The following TRPC5 variants were observed in gnomAD, a reference collection of about 807,000 sequenced individuals.
TRPC5 encodes the protein short transient receptor potential channel 5.
TRPC5 carries 9 observed loss-of-function variants against 56.5 expected under a neutral mutation model. The ratio of observed to expected loss-of-function variants is 0.16; its 90% CI spans 0.10 to 0.28. The LOEUF is 0.28. Among genes scored for constraint, TRPC5 ranks in the 10% least tolerant of loss-of-function variants. The pLI is 1.00. For synonymous variants in TRPC5, 282 were observed against 278.5 expected, an observed-to-expected ratio of 1.01 and a Z score of -0.13; for missense variants, 469 against 748.9, an observed-to-expected ratio of 0.63 and a Z score of 4.36.
rs1349424126 is a variant in TRPC5, at chrX:112,004,221, CTGT to C, written c.-21-51783_-21-51781del. ...TTAACCATAGAGTTATCTGTATGTT[CTGT>C]TGTTATATTATCAACAGAACATCTT... is the stretch of plus-strand genomic sequence containing the variant. On this transcript the variant is annotated intron_variant, in intron 1 of 10. Coordinates refer to ENST00000262839, the MANE Select transcript of TRPC5 (RefSeq NM_012471.3). Among the ~76,000 whole-genome samples, 10 of 111,864 alleles carry C rather than the reference CTGT, an allele frequency of 8.9e-5. No homozygotes were observed. The South Asian group carries it at 1.5e-3, about 17-fold the overall frequency.
intron 3 of TRPC5, among the ~76,000 whole-genome samples, chrX:111,879,970 C>T (rs922110531): frequency 9.0e-6 from 1 of 110,983 alleles, no homozygotes; most frequent in African/African-American, 3.3e-5. Context: ...AAGGAAGAAC[C>T]GAAGACCAAA....
At chrX:112,075,632 T>C (rs755569734) in intron 1 of TRPC5, among the ~76,000 whole-genome samples, 1 of 111,639 alleles carries the variant, frequency 9.0e-6, no homozygotes, top group African/African-American at 3.3e-5. Context: ...GTGGGCCCAA[T>C]GTAAGCACAA....
At chrX:111,997,066 G>A (rs911638457) in intron 1 of TRPC5, among the ~76,000 whole-genome samples, 4 of 111,528 alleles carry the variant, frequency 3.6e-5, no homozygotes, top group Non-Finnish European at 3.8e-5. Context: ...TATTTTGTCC[G>A]TTAATTGATG....
chrX:111,912,184 T>C (rs1335899847), intron 3 of TRPC5, 107 bp downstream of exon 3: 1 of 940,049 alleles, frequency 1.1e-6, no homozygotes, highest in Non-Finnish European at 1.4e-6. Flanking sequence ...TGCCCAACCA[T>C]TTGTTTGTTA....
intron 2 of TRPC5, among the ~76,000 whole-genome samples, chrX:111,921,219 T>C (rs942843307): frequency 9.0e-6 from 1 of 111,242 alleles, no homozygotes; most frequent in East Asian, 2.8e-4. Context: ...TACAATGAAA[T>C]GAAACTTTCA....
At chrX:111,841,902 G>A (rs1239718906) in intron 6 of TRPC5, among the ~76,000 whole-genome samples, 2 of 107,654 alleles carry the variant, frequency 1.9e-5, no homozygotes, top group Admixed American at 1.0e-4. Flanking sequence ...ATAGAGACGG[G>A]ATTTCGCCAT....
At chrX:111,866,683 C>T (rs1356393853) in intron 3 of TRPC5, among the ~76,000 whole-genome samples, 3 of 112,140 alleles carry the variant, frequency 2.7e-5, no homozygotes, top group Non-Finnish European at 5.6e-5. Flanking sequence ...AAGAGACCAC[C>T]CCTCTGCCAG....
intron 1 of TRPC5, among the ~76,000 whole-genome samples, chrX:111,963,515 C>T (rs1470996338): frequency 8.9e-6 from 1 of 112,163 alleles, no homozygotes; most frequent in East Asian, 2.8e-4. Flanking sequence ...TGAGAACGAG[C>T]AGACTGCCTC....
Position 111,770,951 on chromosome X carries a change from A to C in TRPC5, c.*5362T>G, listed in dbSNP as rs983418647. Among the ~76,000 whole-genome samples, 20 of 112,188 alleles carry C rather than the reference A, an allele frequency of 1.8e-4. No individual in the cohort carries two copies. The highest frequency in any genetic ancestry group is 1.1e-4 in the Non-Finnish European group (6 of 53,207). On this transcript the variant is annotated 3_prime_UTR_variant, in exon 11 of 11. Transcript: ENST00000262839. ...AGTGCCTTTTGTGTGTATGTATGTA[A>C]GCTCCTGGGATGTTAGGTTGCCCCA...
chrX:111,883,602 TGATAAA>T (rs1397331543), intron 3 of TRPC5, among the ~76,000 whole-genome samples: 1 of 112,177 alleles, frequency 8.9e-6, no homozygotes, highest in East Asian at 2.8e-4. Context: ...GTCCGAATTT[TGATAAA>T]GTATAGCCAA....
At chrX:112,018,597 A>G (rs6655164) in intron 1 of TRPC5, among the ~76,000 whole-genome samples, 1,918 of 112,719 alleles carry the variant, frequency 0.017, 34 homozygotes, top group African/African-American at 0.059. Flanking sequence ...AAAGTGGGGA[A>G]GCCAAGAGAA....
At chrX:111,922,365 C>A (rs1165780689) in intron 2 of TRPC5, among the ~76,000 whole-genome samples, 2 of 112,105 alleles carry the variant, frequency 1.8e-5, no homozygotes, top group Non-Finnish European at 3.8e-5. Context: ...TGAAAATGAA[C>A]CTCCTGTCTT....
chrX:111,995,827 C>T (rs939314629), intron 1 of TRPC5, among the ~76,000 whole-genome samples: 1 of 110,551 alleles, frequency 9.0e-6, no homozygotes, highest in African/African-American at 3.3e-5. Flanking sequence ...GGTGATATCC[C>T]CTTTATCATT....
intron 1 of TRPC5, among the ~76,000 whole-genome samples, chrX:112,034,978 C>T (rs906839764): frequency 1.9e-5 from 2 of 105,679 alleles, no homozygotes; most frequent in African/African-American, 6.9e-5. Context: ...TCTGATTAAT[C>T]ATTATTAATT....
rs902733960 is a variant in TRPC5, at chrX:112,025,636, A to G, written c.-22+56243T>C. On this transcript the variant is annotated intron_variant, in intron 1 of 10. Coordinates refer to ENST00000262839, the MANE Select transcript of TRPC5 (RefSeq NM_012471.3). ...ATATAGTTCACAAATTCCGCATCTC[A>G]TTAACCCCAAACCCAGCACACTCCA... Among the ~76,000 whole-genome samples, 3 of 111,646 alleles carry G rather than the reference A, an allele frequency of 2.7e-5. No homozygotes were observed. The East Asian group carries it at 8.4e-4, about 31-fold the overall frequency.
At position 111,776,254 on chromosome X, in the gene TRPC5, T is replaced by C; in HGVS notation, c.*59A>G. 1 of 1,075,058 alleles carries C rather than the reference T, an allele frequency of 9.3e-7. No homozygotes were observed. The highest frequency in any genetic ancestry group is 1.2e-6 in the Non-Finnish European group (1 of 815,300). The allele number at this position is 1,075,058 out of a possible 1,213,427, so 88.6% of individuals were successfully genotyped here. A position where few individuals can be genotyped will look rare whatever the true frequency, so the allele number is the denominator to read the frequency against. On this transcript the variant is annotated 3_prime_UTR_variant, in exon 11 of 11. Coordinates refer to ENST00000262839, the MANE Select transcript of TRPC5 (RefSeq NM_012471.3). ...AGGGAATCATATTCTGTGTCACCTC[T>C]GAGAGCAAGGAAATTACAGATTTCT...
intron 3 of TRPC5, among the ~76,000 whole-genome samples, chrX:111,910,566 C>T (rs1226735301): frequency 8.9e-6 from 1 of 112,551 alleles, no homozygotes; most frequent in Non-Finnish European, 1.9e-5. Context: ...CAGTCTCACT[C>T]TATCGCCCAG....
At chrX:111,836,716 G>A (rs899439378) in intron 6 of TRPC5, among the ~76,000 whole-genome samples, 1 of 112,394 alleles carries the variant, frequency 8.9e-6, no homozygotes, top group African/African-American at 3.2e-5. Context: ...CTCTATGGAG[G>A]CAGAGACATA....
intron 1 of TRPC5, among the ~76,000 whole-genome samples, chrX:111,985,754 C>A (rs1003400616): frequency 8.0e-5 from 9 of 111,920 alleles, no homozygotes; most frequent in African/African-American, 2.9e-4. Context: ...CTTTTAGGGA[C>A]TCCGTGATTA....
Sources: allele counts gnomAD v4.1 joint callset (sites outside exome capture counted in the v4.1 genomes callset), GRCh38; gene constraint gnomAD v4.1.1; transcripts MANE v1.5; gene names NCBI Gene and HGNC (gene_info 2026-07-23, HGNC 2026-07-21).